Variants in ATN1 observed in about 807,000 individuals in gnomAD.
The protein encoded by ATN1 is atrophin-1.
ATN1 carries 19 observed loss-of-function variants against 85.8 expected under a neutral mutation model. The ratio of observed to expected loss-of-function variants is 0.22; its 90% CI spans 0.15 to 0.32. ATN1 has a LOEUF of 0.32. ATN1 is among the 10% of genes least tolerant of loss of function. ATN1 has a pLI of 1.00. For missense variants in ATN1, 1,453 were observed against 1,564.5 expected (o/e 0.93, Z 1.20); for synonymous variants, 674 against 657.0 (o/e 1.03, Z -0.39).
In ATN1 at chr12:6,934,047, C is replaced by T; in HGVS notation, c.27+19C>T. 2 of 1,610,222 alleles carry T rather than the reference C, an allele frequency of 1.2e-6. No individual in the cohort carries two copies. The highest frequency in any genetic ancestry group is 1.7e-6 in the Non-Finnish European group (2 of 1,178,202). ...AGACTCGGTGAGTTAAAATGAGAGACATGAAAGATGAGGGGCGGGGCAGGC... is the reference window on the plus strand; with the variant it reads ...AGACTCGGTGAGTTAAAATGAGAGATATGAAAGATGAGGGGCGGGGCAGGC... On this transcript the variant is annotated intron_variant, in intron 2 of 9. Coordinates refer to ENST00000396684, the MANE Select transcript of ATN1 (RefSeq NM_001940.4). This position sits in a 1 kb window ranked among gnomAD's most constrained non-coding sequence, Gnocchi z 4.5.
Position 6,941,650 on chromosome 12 carries a change from G to A in ATN1, c.3539+96G>A. The A allele has an allele frequency of 6.3e-7, 1 of 1,591,382 alleles. No individual in the cohort carries two copies. Among genetic ancestry groups the A allele is most frequent in the Non-Finnish European group, 8.6e-7 (1 of 1,160,230 alleles). On this transcript the variant is annotated intron_variant, in intron 9 of 9. Transcript: ENST00000396684. This position sits in a 1 kb window ranked among gnomAD's most constrained non-coding sequence, Gnocchi z 5.9. The stretch of plus-strand genomic sequence containing the variant: ...GCTGGGCACCGTGCTCCTGGGGGAG[G>A]GAACCCCTCCTCTCCCAACCCCTTC...
intron 1 of ATN1, among the ~76,000 whole-genome samples, chr12:6,932,987 C>CT: frequency 6.6e-6 from 1 of 152,274 alleles, no homozygotes; most frequent in African/African-American, 2.4e-5. Context: ...AGAGCATGGG[C>CT]TTTGAAGTCA....
chr12:6,937,937 G>A lies in ATN1; in HGVS notation c.2387G>A (p.Arg796Gln), dbSNP rs1555144090. 3 of 1,587,734 alleles carry A rather than the reference G, an allele frequency of 1.9e-6. No homozygotes were observed. The highest frequency in any genetic ancestry group is 1.8e-5 in the Admixed American group (1 of 56,418). Residue 796 changes from arginine to glutamine, a missense_variant, in exon 6 of 10, where the codon CGG becomes CAG. Arg to Gln is a conservative substitution (Grantham distance 43). Around this residue, in one of 6 missense-constraint regions of ATN1, gnomAD observed 990 missense variants for 914.8 expected, o/e 1.08. Coordinates refer to ENST00000396684, the MANE Select transcript of ATN1 (RefSeq NM_001940.4). This position sits in a 1 kb window ranked among gnomAD's most constrained non-coding sequence, Gnocchi z 6.0. ...GAGGGCTCCAAGCTGGCCAAGAAGCGGGCCGACCTGGTGGAGAAGGTGCGG... is the reference window on the plus strand; with the variant it reads ...GAGGGCTCCAAGCTGGCCAAGAAGCAGGCCGACCTGGTGGAGAAGGTGCGG... ...PLEGSKLAKK[R>Q]ADLVEKVRRE...
At position 6,937,381 on chromosome 12, in the gene ATN1, T is replaced by C; in HGVS notation, c.2114T>C (p.Leu705Pro). 1 of 1,548,916 alleles carries C rather than the reference T, an allele frequency of 6.5e-7. No homozygotes were observed. Reference protein sequence around the residue: ...GPLPPAGPSGLPSLPPPPAAP... With the variant: ...GPLPPAGPSGPPSLPPPPAAP... ...CTGCCACCTGCGGGGCCCTCAGGCC[T>C]GCCATCGCTGCCACCACCACCTGCG... The change falls in exon 5 of 10, where the codon CTG becomes CCG. Residue 705 changes from leucine to proline, a missense_variant. Leu to Pro is a moderately conservative substitution (Grantham distance 98). Transcript: ENST00000396684. The surrounding 1 kb of genome is among the most constrained non-coding windows in gnomAD (Gnocchi z 6.0).
upstream of ATN1, among the ~76,000 whole-genome samples, chr12:6,925,216 G>A (rs1555142482): frequency 6.6e-6 from 1 of 151,710 alleles, no homozygotes. Context: ...AATGGGAGAG[G>A]GTAGACAATG....
Position 6,938,028 on chromosome 12 carries a change from G to C in ATN1, c.2478G>C (p.Glu826Asp). 1.3e-6 allele frequency: 2 copies of C among 1,545,962 alleles called. No homozygotes were observed. The highest frequency in any genetic ancestry group is 1.2e-5 in the South Asian group (1 of 83,910). ...AGCGCGAGCGGGAACGCGAGAAAGA[G>C]CGCGAGCGCGAGAAGGAGCGCGAGC... ...EREREREREK[E>D]REREKERELE... Residue 826 changes from glutamate to aspartate, a missense_variant, in exon 6 of 10, where the codon GAG becomes GAC. Physicochemically the swap from Glu to Asp is conservative, Grantham distance 45. Transcript: ENST00000396684.
chr12:6,932,682 A>G (rs1565564242), intron 1 of ATN1, among the ~76,000 whole-genome samples: 1 of 152,188 alleles, frequency 6.6e-6, no homozygotes, highest in African/African-American at 2.4e-5. Flanking sequence ...GGATATTTTG[A>G]GTCTTTAATC....
rs1945585151 is a variant in ATN1 at position 6,938,474 on chromosome 12, C to A, written c.2518-7C>A. 2 of 1,596,620 alleles carry A rather than the reference C, an allele frequency of 1.3e-6. No individual in the cohort carries two copies. Among genetic ancestry groups the A allele is most frequent in the Admixed American group, 1.7e-5 (1 of 58,990 alleles). Reference sequence around the variant, plus strand: ...GCTTTGACTCCACTTTTCCCTGTATCCCACAGAAGTTGGCTCAGGAGGGCC... The same window carrying A: ...GCTTTGACTCCACTTTTCCCTGTATACCACAGAAGTTGGCTCAGGAGGGCC... On this transcript the variant is annotated splice_polypyrimidine_tract_variant and splice_region_variant and intron_variant, in intron 6 of 9. Coordinates refer to ENST00000396684, the MANE Select transcript of ATN1 (RefSeq NM_001940.4).
In ATN1 at chr12:6,941,672, C is replaced by G; in HGVS notation, c.3540-75C>G. The G allele has an allele frequency of 6.3e-7, 1 of 1,596,032 alleles. No individual in the cohort carries two copies. Among genetic ancestry groups the G allele is most frequent in the South Asian group, 1.1e-5 (1 of 90,718 alleles). On this transcript the variant is annotated intron_variant, in intron 9 of 9. Coordinates refer to ENST00000396684, the MANE Select transcript of ATN1 (RefSeq NM_001940.4). The surrounding 1 kb of genome is among the most constrained non-coding windows in gnomAD (Gnocchi z 5.9). ...GAGGGAACCCCTCCTCTCCCAACCCCTTCGGTAAGAGGGGGCAAGGTCAGA... is the reference window on the plus strand; with the variant it reads ...GAGGGAACCCCTCCTCTCCCAACCCGTTCGGTAAGAGGGGGCAAGGTCAGA...
upstream of ATN1, chr12:6,924,565 T>G (rs1648620141): frequency 6.6e-6 from 1 of 152,546 alleles, no homozygotes; most frequent in Non-Finnish European, 1.5e-5. Context: ...TCTGCCATCC[T>G]GCCCAGCTCC....
chr12:6,928,528 C>G lies in ATN1; in HGVS notation c.-163+144C>G, dbSNP rs1305214574. 5.3e-5 allele frequency: 8 copies of G among 152,184 alleles called. No homozygotes were observed. In the East Asian group the frequency reaches 9.7e-4, roughly 18 times the overall value. The allele number at this position is 152,184 out of a possible 1,614,324, so 9.4% of individuals were successfully genotyped here. ...TTGTTATTTTCCCAATCCCGTCCCC[C>G]CACTGCGGGCTCTGCCTGGCCTGAG... On this transcript the variant is annotated intron_variant, in intron 1 of 9. Coordinates refer to ENST00000396684, the MANE Select transcript of ATN1 (RefSeq NM_001940.4).
rs782242861 is a variant in ATN1 at position 6,936,267 on chromosome 12, G to A, written c.1000G>A (p.Ala334Thr). Residue 334 changes from alanine (A) to threonine (T), a missense_variant, in exon 5 of 10, where the codon GCC becomes ACC. This residue lies in a region of ATN1 where 990 missense variants were observed against 914.8 expected (regional missense o/e 1.08). Transcript: ENST00000396684. Reference protein sequence around the residue: ...PLPGHLPSPHAMGQGMGGLPP... With the variant: ...PLPGHLPSPHTMGQGMGGLPP... ...ACCTGGTCATCTGCCCTCTCCCCAC[G>A]CCATGGGACAGGGTATGGGTGGACT... The A allele has an allele frequency of 2.7e-5, 43 of 1,611,334 alleles. No homozygotes were observed. The highest frequency in any genetic ancestry group is 2.1e-4 in the South Asian group (19 of 90,920).
upstream of ATN1, among the ~76,000 whole-genome samples, chr12:6,926,017 T>C (rs144228210): frequency 6.0e-4 from 92 of 152,340 alleles, 2 homozygotes; most frequent in East Asian, 0.017. Flanking sequence ...TCCTGGGAGA[T>C]GTTGCCGCTT....
At chr12:6,932,989 T>C (rs1426787563) in intron 1 of ATN1, among the ~76,000 whole-genome samples, 2 of 152,222 alleles carry the variant, frequency 1.3e-5, no homozygotes, top group African/African-American at 4.8e-5. Context: ...AGCATGGGCT[T>C]TGAAGTCACC....
At chr12:6,933,163 A>T (rs1283657627) in intron 1 of ATN1, among the ~76,000 whole-genome samples, 1 of 152,152 alleles carries the variant, frequency 6.6e-6, no homozygotes, top group Non-Finnish European at 1.5e-5. Context: ...ATGTATGTGA[A>T]GGGCTTGATA....
intron 1 of ATN1, among the ~76,000 whole-genome samples, chr12:6,929,473 C>T (rs1352673299): frequency 6.6e-6 from 1 of 152,090 alleles, no homozygotes; most frequent in Non-Finnish European, 1.5e-5. Flanking sequence ...CAGATGGACA[C>T]CTGGGATGGT....
upstream of ATN1, among the ~76,000 whole-genome samples, chr12:6,926,659 G>C (rs969238301): frequency 1.3e-5 from 2 of 152,002 alleles, no homozygotes; most frequent in African/African-American, 2.4e-5. Context: ...TTTTAGTAGA[G>C]ACGGGGTTTC....
chr12:6,934,242 C>A lies in ATN1; in HGVS notation c.94C>A (p.Arg32=). The part of the protein sequence containing the change: ...GPREELRSRG[R]ASPGGVSTSS... Reference sequence around the variant, plus strand: ...CCGGGAAGAACTGAGATCGAGGGGCCGGGCCTCCCCTGGAGGGGTCAGCAC... The same window carrying A: ...CCGGGAAGAACTGAGATCGAGGGGCAGGGCCTCCCCTGGAGGGGTCAGCAC... The change falls in exon 3 of 10, where the codon CGG becomes AGG. Residue 32 remains arginine, a synonymous_variant. Coordinates refer to ENST00000396684, the MANE Select transcript of ATN1 (RefSeq NM_001940.4). This position sits in a 1 kb window ranked among gnomAD's most constrained non-coding sequence, Gnocchi z 4.5. 6.3e-7 allele frequency: 1 copy of A among 1,587,164 alleles called. No individual in the cohort carries two copies. Among genetic ancestry groups the A allele is most frequent in the Non-Finnish European group, 8.5e-7 (1 of 1,173,490 alleles).
chr12:6,925,298 C>T (rs11064469), upstream of ATN1, among the ~76,000 whole-genome samples: 2,381 of 152,128 alleles, frequency 0.016, 63 homozygotes, highest in African/African-American at 0.053. Context: ...TCCATTGTAG[C>T]CCATTCCTTA....
Sources: gnomAD v4.1 joint callset for allele counts (sites outside exome capture counted in the v4.1 genomes callset) on GRCh38, gnomAD v4.1.1 for gene constraint, gnomAD v4.1.1 regional missense constraint, Gnocchi (gnomAD v3.1) non-coding constraint, MANE v1.5 for transcripts, NCBI Gene and HGNC (gene_info 2026-07-23, HGNC 2026-07-21) for gene names.